TRPS1: variants seen among roughly 807,000 people sequenced by gnomAD.
TRPS1 encodes transcriptional repressor GATA binding 1, also known as zinc finger transcription factor Trps1.
In TRPS1, 6 loss-of-function variants were observed where a neutral mutation model predicts 101.2. The observed-to-expected ratio is 0.06, with a 90% CI of 0.03 to 0.12. TRPS1 has a LOEUF of 0.12. TRPS1 is among the 10% of genes least tolerant of loss of function. The probability of loss-of-function intolerance (pLI) is 1.00; values close to 1 mark genes in which losing one functional copy is unlikely to be tolerated. For missense variants in TRPS1, 1,363 were observed against 1,567.0 expected, an observed-to-expected ratio of 0.87 and a Z score of 2.20; for synonymous variants, 578 against 589.8, an observed-to-expected ratio of 0.98 and a Z score of 0.29.
chr8:115,528,529 C>T (rs994883006), intron 5 of TRPS1, among the ~76,000 whole-genome samples: 1 of 152,150 alleles, frequency 6.6e-6, no homozygotes, highest in African/African-American at 2.4e-5. Context: ...TTCAAACACA[C>T]CTGATCTCTA....
At chr8:115,643,291 A>G (rs905246209) in intron 1 of TRPS1, among the ~76,000 whole-genome samples, 7 of 152,186 alleles carry the variant, frequency 4.6e-5, no homozygotes, top group African/African-American at 1.4e-4. Context: ...ATTTGTTTGT[A>G]GCATGCAATG....
intron 1 of TRPS1, among the ~76,000 whole-genome samples, chr8:115,645,723 G>A (rs1413509161): frequency 2.6e-5 from 4 of 152,116 alleles, no homozygotes; most frequent in African/African-American, 9.7e-5. Flanking sequence ...TTTAAAAAAT[G>A]ATGGCACATG....
chr8:115,668,003 G>A, intron 1 of TRPS1: 2 of 1,004,270 alleles, frequency 2.0e-6, no homozygotes, highest in South Asian at 1.4e-5. Context: ...CGGTAGGAGA[G>A]AATTAAAATC....
At chr8:115,607,425 T>G (rs1302887710) in intron 3 of TRPS1, among the ~76,000 whole-genome samples, 1 of 131,784 alleles carries the variant, frequency 7.6e-6, no homozygotes, top group Non-Finnish European at 1.6e-5. Flanking sequence ...TCTAGATGTG[T>G]TTTTTTTTTT....
At chr8:115,515,247 A>C in intron 5 of TRPS1, 1 of 698,148 alleles carries the variant, frequency 1.4e-6, no homozygotes, top group South Asian at 1.5e-5. Flanking sequence ...CAAAGACTAA[A>C]CTGCTCTTCG....
intron 5 of TRPS1, among the ~76,000 whole-genome samples, chr8:115,571,791 T>C (rs1817209215): frequency 6.6e-6 from 1 of 152,138 alleles, no homozygotes; most frequent in Non-Finnish European, 1.5e-5. Flanking sequence ...TTATATATAA[T>C]GAATCTATCC....
At chr8:115,610,914 C>T (rs998196486) in intron 3 of TRPS1, among the ~76,000 whole-genome samples, 6 of 151,880 alleles carry the variant, frequency 4.0e-5, no homozygotes, top group Non-Finnish European at 8.8e-5. Flanking sequence ...ATCAGGAGTT[C>T]GAGACCAGCC....
intron 5 of TRPS1, among the ~76,000 whole-genome samples, chr8:115,579,127 G>A (rs969716043): frequency 6.6e-6 from 1 of 152,062 alleles, no homozygotes; most frequent in Non-Finnish European, 1.5e-5. Flanking sequence ...TTCTGGTGAG[G>A]ATGAAAGGAA....
At chr8:115,500,260 C>T (rs573243851) in intron 5 of TRPS1, among the ~76,000 whole-genome samples, 1 of 152,128 alleles carries the variant, frequency 6.6e-6, no homozygotes, top group South Asian at 2.1e-4. Flanking sequence ...GAACTCCTGA[C>T]CTTGTGATCT....
chr8:115,495,157 G>C (rs1320167228), intron 5 of TRPS1, among the ~76,000 whole-genome samples: 1 of 152,076 alleles, frequency 6.6e-6, no homozygotes, highest in Non-Finnish European at 1.5e-5. Flanking sequence ...TTTGCAAAAA[G>C]GAAGCAAAAT....
chr8:115,517,906 T>C (rs1254510909), intron 5 of TRPS1, among the ~76,000 whole-genome samples: 1 of 151,758 alleles, frequency 6.6e-6, no homozygotes, highest in Non-Finnish European at 1.5e-5. Context: ...TGCATTTGTG[T>C]TAATTTTGAC....
intron 5 of TRPS1, among the ~76,000 whole-genome samples, chr8:115,556,444 G>A (rs1176892011): frequency 1.3e-5 from 2 of 152,006 alleles, no homozygotes; most frequent in East Asian, 3.9e-4. Flanking sequence ...AAATCTCTCG[G>A]AGTCAACTGT....
chr8:115,556,024 A>AAAAAT (rs1330408728), intron 5 of TRPS1, among the ~76,000 whole-genome samples: 3 of 152,224 alleles, frequency 2.0e-5, no homozygotes, highest in Middle Eastern at 3.4e-3. Context: ...TTGTCTGAAA[A>AAAAAT]AAAATAAAAT....
chr8:115,667,791 C>T lies in TRPS1; in HGVS notation c.-122+754G>A. The T allele has an allele frequency of 2.0e-6, 3 of 1,509,012 alleles. 1 individual carries two copies. The South Asian group carries it at 3.6e-5, about 18-fold the overall frequency. 93.5% of individuals were successfully genotyped at this position (1,509,012 alleles called of 1,614,324 possible). On this transcript the variant is annotated intron_variant, in intron 1 of 6. Coordinates refer to ENST00000395715, the MANE Select transcript of TRPS1 (RefSeq NM_014112.5). ...CAAACTCTTCAAAGCCAAAGGCAGT[C>T]CTGTGCTGTTTTCCCACTTTGGAGA...
chr8:115,629,597 T>C (rs901942885), intron 1 of TRPS1, among the ~76,000 whole-genome samples: 2 of 151,922 alleles, frequency 1.3e-5, no homozygotes, highest in Admixed American at 6.6e-5. Context: ...ATATGCCAAA[T>C]TTGTTATTAT....
intron 5 of TRPS1, among the ~76,000 whole-genome samples, chr8:115,516,318 G>A (rs920016415): frequency 4.0e-5 from 6 of 151,066 alleles, no homozygotes; most frequent in South Asian, 2.1e-4. Context: ...TTTCATACTC[G>A]TCTCTACATT....
intron 5 of TRPS1, among the ~76,000 whole-genome samples, chr8:115,576,156 C>T (rs765024547): frequency 2.6e-5 from 4 of 152,036 alleles, no homozygotes; most frequent in Non-Finnish European, 5.9e-5. Flanking sequence ...AATGGGCTTT[C>T]TTGTACAAGA....
chr8:115,615,128 A>C (rs1184972477), intron 3 of TRPS1, among the ~76,000 whole-genome samples: 1 of 152,374 alleles, frequency 6.6e-6, no homozygotes, highest in Non-Finnish European at 1.5e-5. Flanking sequence ...TATTAGCCTT[A>C]GAATTTCATT....
intron 1 of TRPS1, chr8:115,637,207 A>G (rs142481792): frequency 3.1e-6 from 3 of 958,682 alleles, no homozygotes; most frequent in Non-Finnish European, 3.7e-6. Flanking sequence ...AACAGAGAAG[A>G]AGCTAGGTTT....
Sources: gnomAD v4.1 joint callset for allele counts (sites outside exome capture counted in the v4.1 genomes callset) on GRCh38, gnomAD v4.1.1 for gene constraint, MANE v1.5 for transcripts, NCBI Gene and HGNC (gene_info 2026-07-23, HGNC 2026-07-21) for gene names.